Variants in VPS50 observed in about 807,000 individuals in gnomAD.
The protein encoded by VPS50 is VPS50 subunit of EARP/GARPII complex.
In VPS50, 70 loss-of-function variants were observed where a neutral mutation model predicts 139.7. The observed-to-expected ratio is 0.50, with a 90% confidence interval of 0.41 to 0.61. VPS50 has a LOEUF of 0.61. Ranked by LOEUF, VPS50 falls within the 20% of genes least tolerant of loss-of-function variation. The pLI is 0.00. For synonymous variants in VPS50, 365 were observed against 376.7 expected (o/e 0.97, Z 0.36); for missense variants, 921 against 1,133.7 (o/e 0.81, Z 2.69).
chr7:93,299,431 T>C (rs1168294224), intron 16 of VPS50, among the ~76,000 whole-genome samples: 1 of 152,158 alleles, frequency 6.6e-6, no homozygotes, highest in African/African-American at 2.4e-5. Flanking sequence ...CATGGTGAAA[T>C]ATAGATCAAG....
chr7:93,247,296 G>C (rs947049472), intron 2 of VPS50, among the ~76,000 whole-genome samples: 2 of 151,870 alleles, frequency 1.3e-5, no homozygotes, highest in African/African-American at 4.8e-5. Flanking sequence ...AGAAAATATG[G>C]TTCTAATATA....
intron 2 of VPS50, among the ~76,000 whole-genome samples, chr7:93,251,295 G>C (rs568921940): frequency 1.1e-4 from 16 of 152,310 alleles, no homozygotes; most frequent in Middle Eastern, 3.4e-3. Context: ...ATCAAGGATA[G>C]ACTGTATAAA....
chr7:93,276,361 A>ATT, intron 12 of VPS50, 56 bp downstream of exon 12: 1 of 1,539,984 alleles, frequency 6.5e-7, no homozygotes, highest in African/African-American at 1.4e-5. Flanking sequence ...TTAAATTTAT[A>ATT]TTTCCTTTAT....
chr7:93,315,836 A>ATT (rs397890428), intron 20 of VPS50, among the ~76,000 whole-genome samples: 2 of 140,894 alleles, frequency 1.4e-5, no homozygotes, highest in Admixed American at 7.1e-5. Context: ...AGTCCACCAG[A>ATT]TTTTTTTTTT....
chr7:93,300,777 T>C (rs1412385937), intron 16 of VPS50, among the ~76,000 whole-genome samples: 1 of 151,832 alleles, frequency 6.6e-6, no homozygotes, highest in Non-Finnish European at 1.5e-5. Context: ...TTGTTGATGT[T>C]GTTTTACTAA....
At chr7:93,277,536 G>A (rs1195343840) in intron 12 of VPS50, among the ~76,000 whole-genome samples, 3 of 152,158 alleles carry the variant, frequency 2.0e-5, no homozygotes, top group African/African-American at 7.2e-5. Flanking sequence ...CTGGTTATAT[G>A]TCTGTTGGGT....
chr7:93,275,907 T>A (rs1584416404), intron 11 of VPS50: 1 of 396,962 alleles, frequency 2.5e-6, no homozygotes, highest in South Asian at 4.8e-5. Flanking sequence ...GCAAGATGAA[T>A]ACCAGTTATA....
chr7:93,357,413 A>G (rs1019224630), intron 27 of VPS50, among the ~76,000 whole-genome samples: 1 of 152,154 alleles, frequency 6.6e-6, no homozygotes, highest in Non-Finnish European at 1.5e-5. Flanking sequence ...GAAACTTCCC[A>G]CAATGATGAG....
intron 23 of VPS50, among the ~76,000 whole-genome samples, chr7:93,348,361 T>C (rs1026825298): frequency 6.6e-6 from 1 of 152,212 alleles, no homozygotes; most frequent in Non-Finnish European, 1.5e-5. Context: ...ATGAGATCTT[T>C]AAAAGAAATC....
intron 25 of VPS50, among the ~76,000 whole-genome samples, chr7:93,352,688 C>A (rs1313869877): frequency 6.6e-6 from 1 of 152,074 alleles, no homozygotes; most frequent in Non-Finnish European, 1.5e-5. Flanking sequence ...TCCAAAGAGA[C>A]CAAAAACACA....
At chr7:93,297,406 A>G (rs2116952700) in intron 16 of VPS50, among the ~76,000 whole-genome samples, 163 bp downstream of exon 16, 1 of 152,252 alleles carries the variant, frequency 6.6e-6, no homozygotes, top group African/African-American at 2.4e-5. Context: ...CCAAAATATG[A>G]TGAAATGTTC....
rs748370334 is a variant in VPS50 at position 93,276,253 on chromosome 7, C to T, written c.890C>T (p.Ala297Val). The T allele has an allele frequency of 2.5e-6, 4 of 1,613,444 alleles. No homozygotes were observed. In the South Asian group the frequency reaches 4.4e-5, roughly 18 times the overall value. Residue 297 changes from alanine (A) to valine (V), a missense_variant, in exon 12 of 28, where the codon GCA becomes GTA. By Grantham distance (64) the Ala-to-Val change is moderately conservative (BLOSUM62 0). This residue lies in a region of VPS50 where 744 missense variants were observed against 930.6 expected (regional missense o/e 0.80). Transcript: ENST00000305866. ...QVVLGYVELC[A>V]GNTDTKFQKL... ...GTTCTTGGTTATGTGGAACTATGTG[C>T]AGGAAACACAGACACAAAATTCCAA... is the stretch of plus-strand genomic sequence containing the variant.
Position 93,246,575 on chromosome 7 carries a change from A to G in VPS50, c.103-6078A>G, listed in dbSNP as rs565623643. Reference sequence around the variant, plus strand: ...TTATGTGGGTTTAGAAATTAGGTTAAATTACTTTTCAAAATTGCAGAAAAT... The same window carrying G: ...TTATGTGGGTTTAGAAATTAGGTTAGATTACTTTTCAAAATTGCAGAAAAT... On this transcript the variant is annotated intron_variant, in intron 2 of 27. Coordinates refer to ENST00000305866, the MANE Select transcript of VPS50 (RefSeq NM_017667.4). 3.9e-5 allele frequency among the ~76,000 whole-genome samples: 6 copies of G among 152,014 alleles called. No homozygotes were observed. In the South Asian group the frequency reaches 1.2e-3, roughly 31 times the overall value.
intron 1 of VPS50, among the ~76,000 whole-genome samples, chr7:93,236,937 C>CTTTTT (rs71107889): frequency 0.012 from 382 of 31,080 alleles, 78 homozygotes; most frequent in South Asian, 0.02. Context: ...TCTTTTACTT[C>CTTTTT]TTTTTTTTTT....
chr7:93,266,947 A>G (rs982015901), intron 9 of VPS50, among the ~76,000 whole-genome samples: 16 of 152,126 alleles, frequency 1.1e-4, no homozygotes, highest in African/African-American at 3.9e-4. Flanking sequence ...ATAGATTTTT[A>G]TGTTTGTAGT....
intron 23 of VPS50, among the ~76,000 whole-genome samples, chr7:93,344,815 A>C (rs555090831): frequency 3.2e-4 from 49 of 152,196 alleles, no homozygotes; most frequent in African/African-American, 1.1e-3. Flanking sequence ...AATCTCTGGG[A>C]CACATTCAAA....
At position 93,311,380 on chromosome 7, in the gene VPS50, A is replaced by G. The variant is rs572755594; in HGVS notation, c.1855+108A>G. 126 of 648,684 alleles carry G rather than the reference A, an allele frequency of 1.9e-4. 2 individuals carry two copies. In the South Asian group the frequency reaches 2.1e-3, roughly 11 times the overall value. 40.2% of individuals were successfully genotyped at this position (648,684 alleles called of 1,614,324 possible). On this transcript the variant is annotated intron_variant, in intron 20 of 27. Transcript: ENST00000305866. ...CTTGTATACTCCAGTGCTCTATGCA[A>G]TGAGGGATTTAAGGTTATCATATGT...
intron 11 of VPS50, among the ~76,000 whole-genome samples, chr7:93,275,085 T>C (rs1054325246): frequency 6.6e-5 from 10 of 152,294 alleles, no homozygotes; most frequent in African/African-American, 2.2e-4. Flanking sequence ...ACTGAATTGC[T>C]ACAATCTTAT....
intron 17 of VPS50, among the ~76,000 whole-genome samples, chr7:93,304,933 C>T (rs1364315939): frequency 6.6e-6 from 1 of 151,470 alleles, no homozygotes; most frequent in East Asian, 1.9e-4. Context: ...AGTTGAAATG[C>T]AAAAGGAAAA....
Sources: gnomAD v4.1 joint callset for allele counts (sites outside exome capture counted in the v4.1 genomes callset) on GRCh38, gnomAD v4.1.1 for gene constraint, gnomAD v4.1.1 regional missense constraint, MANE v1.5 for transcripts, NCBI Gene and HGNC (gene_info 2026-07-23, HGNC 2026-07-21) for gene names.